Variants in HMGXB3 observed in about 807,000 individuals in gnomAD.
HMGXB3 encodes the protein HMG-box containing 3.
Under a neutral mutation model 121.5 loss-of-function variants are expected in HMGXB3, and 45 were observed. The ratio of observed to expected loss-of-function variants is 0.37; its 90% CI spans 0.29 to 0.47. The LOEUF is 0.47. Among genes scored for constraint, HMGXB3 ranks in the 20% least tolerant of loss-of-function variants. The probability of loss-of-function intolerance (pLI) is 0.99; values close to 1 mark genes in which losing one functional copy is unlikely to be tolerated. For synonymous variants in HMGXB3, 590 were observed against 624.1 expected, an observed-to-expected ratio of 0.95 and a Z score of 0.81; for missense variants, 1,376 against 1,602.2, an observed-to-expected ratio of 0.86 and a Z score of 2.41.
rs1179498180 is a variant in HMGXB3, at chr5:150,024,697, G to T, written c.1460+17G>T. On this transcript the variant is annotated intron_variant, in intron 7 of 19. Transcript: ENST00000502717. ...ACCTACAGGGTAAGTCAGTGTGTTTGTATAATATAGGGCTTTGGAAATGCC... is the reference window on the plus strand; with the variant it reads ...ACCTACAGGGTAAGTCAGTGTGTTTTTATAATATAGGGCTTTGGAAATGCC... The T allele has an allele frequency of 7.9e-6, 12 of 1,516,724 alleles. No homozygotes were observed. The Admixed American group carries it at 2.1e-4, about 27-fold the overall frequency. 94.0% of individuals were successfully genotyped at this position (1,516,724 alleles called of 1,614,324 possible).
At chr5:150,022,686 C>T (rs1464824749) in intron 6 of HMGXB3, among the ~76,000 whole-genome samples, 1 of 152,156 alleles carries the variant, frequency 6.6e-6, no homozygotes, top group Non-Finnish European at 1.5e-5. Flanking sequence ...TTTCCCTCTC[C>T]TGCAGTAAAT....
chr5:150,030,646 C>T lies in HMGXB3; in HGVS notation c.1735-95C>T, dbSNP rs978686105. 6.5e-6 allele frequency: 6 copies of T among 917,952 alleles called. No individual in the cohort carries two copies. In the African/African-American group the frequency reaches 9.9e-5, roughly 15 times the overall value. The allele number at this position is 917,952 out of a possible 1,614,324, so 56.9% of individuals were successfully genotyped here. On this transcript the variant is annotated intron_variant, in intron 9 of 19. Transcript: ENST00000502717. ...ATTTGGAGAATAGCTCTACAAATTC[C>T]CCGGGAAAGCATTCCCTCAAGTCGT...
intron 13 of HMGXB3, among the ~76,000 whole-genome samples, chr5:150,039,947 C>T (rs1290442023): frequency 2.6e-5 from 4 of 152,160 alleles, no homozygotes; most frequent in African/African-American, 7.2e-5. Flanking sequence ...AAATTGACTG[C>T]GCTTAAATTC....
At chr5:150,023,998 T>C (rs1756161685) in intron 6 of HMGXB3, among the ~76,000 whole-genome samples, 1 of 152,236 alleles carries the variant, frequency 6.6e-6, no homozygotes, top group African/African-American at 2.4e-5. Context: ...TGATGAAACC[T>C]GGAGAAGCTT....
intron 11 of HMGXB3, among the ~76,000 whole-genome samples, chr5:150,034,863 T>G (rs1422659430): frequency 1.3e-5 from 2 of 152,186 alleles, no homozygotes; most frequent in Non-Finnish European, 2.9e-5. Context: ...CAAGTGGTCT[T>G]CCAGCTGTGG....
chr5:150,044,528 C>T (rs1446807482), intron 15 of HMGXB3, among the ~76,000 whole-genome samples: 1 of 152,152 alleles, frequency 6.6e-6, no homozygotes, highest in East Asian at 1.9e-4. Flanking sequence ...GTGGTTCTCA[C>T]AACTTTTTAC....
chr5:150,018,432 C>T, intron 5 of HMGXB3, 134 bp from the exon 6 acceptor site: 1 of 664,908 alleles, frequency 1.5e-6, no homozygotes, highest in Middle Eastern at 4.3e-4. Context: ...CTTTCCAACA[C>T]TGACCTTTTA....
chr5:150,021,113 T>A (rs889523701), intron 6 of HMGXB3, among the ~76,000 whole-genome samples: 1 of 152,128 alleles, frequency 6.6e-6, no homozygotes, highest in African/African-American at 2.4e-5. Flanking sequence ...TTAGCTACCT[T>A]CCCCCATCTT....
Position 150,024,683 on chromosome 5 carries a change from A to G in HMGXB3, c.1460+3A>G. On this transcript the variant is annotated splice_donor_region_variant and intron_variant, in intron 7 of 19. Coordinates refer to ENST00000502717, the MANE Select transcript of HMGXB3 (RefSeq NM_014983.3). The stretch of plus-strand genomic sequence containing the variant: ...CCTGCTCCTAAAAAACCTACAGGGT[A>G]AGTCAGTGTGTTTGTATAATATAGG... 2 of 1,536,800 alleles carry G rather than the reference A, an allele frequency of 1.3e-6. No individual in the cohort carries two copies. Among genetic ancestry groups the G allele is most frequent in the Non-Finnish European group, 1.8e-6 (2 of 1,139,668 alleles).
intron 1 of HMGXB3, among the ~76,000 whole-genome samples, chr5:150,001,528 C>CT (rs1288286605): frequency 2.0e-5 from 3 of 152,162 alleles, no homozygotes; most frequent in Admixed American, 2.0e-4. Flanking sequence ...GACCTTAACT[C>CT]TGTTTTACAG....
chr5:150,043,828 T>C (rs988122236), intron 15 of HMGXB3, among the ~76,000 whole-genome samples: 3 of 152,244 alleles, frequency 2.0e-5, no homozygotes, highest in Non-Finnish European at 4.4e-5. Context: ...AGGGTGGGGC[T>C]GAGATTGACC....
At chr5:150,011,858 C>T (rs917222897) in intron 4 of HMGXB3, among the ~76,000 whole-genome samples, 2 of 152,002 alleles carry the variant, frequency 1.3e-5, no homozygotes, top group African/African-American at 4.8e-5. Context: ...GTGATCCGCC[C>T]GCCTCGGCCT....
intron 11 of HMGXB3, among the ~76,000 whole-genome samples, chr5:150,033,443 T>C (rs1415718125): frequency 6.6e-6 from 1 of 152,130 alleles, no homozygotes; most frequent in Non-Finnish European, 1.5e-5. Flanking sequence ...CCCACTAGAC[T>C]GTAGTCTGGT....
chr5:150,019,610 A>C (rs1756040998), intron 6 of HMGXB3, among the ~76,000 whole-genome samples: 1 of 152,194 alleles, frequency 6.6e-6, no homozygotes, highest in Non-Finnish European at 1.5e-5. Flanking sequence ...GAGGAGAGAC[A>C]TTTATAAGGA....
chr5:150,031,521 T>C (rs997515485), intron 10 of HMGXB3, among the ~76,000 whole-genome samples: 1 of 152,246 alleles, frequency 6.6e-6, no homozygotes, highest in Non-Finnish European at 1.5e-5. Context: ...TTTCACTATC[T>C]GTAAAGTGCT....
rs192275924 is a variant in HMGXB3 at position 150,051,829 on chromosome 5, C to T, written c.3516C>T (p.Ile1172=). The change falls in exon 20 of 20, where the codon ATC becomes ATT. Residue 1172 remains isoleucine (I), a synonymous_variant. Coordinates refer to ENST00000502717, the MANE Select transcript of HMGXB3 (RefSeq NM_014983.3). Reference sequence around the variant, plus strand: ...TCACCAAGACTGCCACGCGGCGCATCGTCCATGCAGGCCTACAGCCCAATC... The same window carrying T: ...TCACCAAGACTGCCACGCGGCGCATTGTCCATGCAGGCCTACAGCCCAATC... ...HPVTKTATRR[I]VHAGLQPNPG... is the part of the protein sequence containing the mutation. 72 of 1,549,952 alleles carry T rather than the reference C, an allele frequency of 4.6e-5. No homozygotes were observed. Among genetic ancestry groups the T allele is most frequent in the Middle Eastern group, 3.3e-4 (2 of 5,992 alleles).
At position 150,045,730 on chromosome 5, in the gene HMGXB3, C is replaced by T. The variant is rs905504689; in HGVS notation, c.2950+45C>T. The T allele has an allele frequency of 3.4e-6, 5 of 1,453,284 alleles. No individual in the cohort carries two copies. The African/African-American group carries it at 4.2e-5, about 12-fold the overall frequency. The allele number at this position is 1,453,284 out of a possible 1,614,324, so 90.0% of individuals were successfully genotyped here. A position where few individuals can be genotyped will look rare whatever the true frequency, so the allele number is the denominator to read the frequency against. On this transcript the variant is annotated intron_variant, in intron 16 of 19. Transcript: ENST00000502717. ...GACTGGGGTCAAAAAAGGGCTCAGT[C>T]AAGAGTCTGGGACATTGTCCATGGC...
chr5:150,004,313 A>T (rs745837408), intron 1 of HMGXB3, among the ~76,000 whole-genome samples: 1 of 152,226 alleles, frequency 6.6e-6, no homozygotes, highest in Admixed American at 6.5e-5. Flanking sequence ...ACCTGACCAA[A>T]ATTGCACAAG....
intron 13 of HMGXB3, among the ~76,000 whole-genome samples, chr5:150,039,725 C>A (rs1416190372): frequency 6.6e-6 from 1 of 151,730 alleles, no homozygotes; most frequent in Non-Finnish European, 1.5e-5. Flanking sequence ...TTGTCTTTTA[C>A]ATTTGTACCT....
Sources: allele counts gnomAD v4.1 joint callset (sites outside exome capture counted in the v4.1 genomes callset), GRCh38; gene constraint gnomAD v4.1.1; transcripts MANE v1.5; gene names NCBI Gene and HGNC (gene_info 2026-07-23, HGNC 2026-07-21).